The following PTPRH variants were observed in gnomAD, a reference collection of about 807,000 sequenced individuals.
PTPRH encodes protein tyrosine phosphatase receptor type H.
A neutral mutation model predicts 130.2 loss-of-function variants in PTPRH; 113 were observed. That is an observed-to-expected ratio of 0.87 (90% CI 0.75 to 1.01). The LOEUF (loss-of-function observed/expected upper bound fraction) is 1.01. Among genes scored for constraint, PTPRH ranks in the 50% least tolerant of loss-of-function variants. PTPRH has a pLI of 0.00. For missense variants in PTPRH, 1,430 were observed against 1,425.0 expected (o/e 1.00, Z -0.06); for synonymous variants, 556 against 577.9 (o/e 0.96, Z 0.54).
chr19:55,185,465 G>T lies in PTPRH; in HGVS notation c.3062+37C>A, dbSNP rs374042418. On this transcript the variant is annotated intron_variant, in intron 18 of 19. Transcript: ENST00000376350. The stretch of plus-strand genomic sequence containing the variant: ...CAACTGTCTGAGCCCCAAGGGAGCG[G>T]TTCTCTCAAGGGAGAGGGTCCTGGG... 3.0e-5 allele frequency: 49 copies of T among 1,606,948 alleles called. No homozygotes were observed. In the African/African-American group the frequency reaches 5.8e-4, roughly 19 times the overall value.
At chr19:55,207,306 T>A in intron 1 of PTPRH, 107 bp from the exon 2 acceptor site, 1 of 1,252,166 alleles carries the variant, frequency 8.0e-7, no homozygotes, top group Non-Finnish European at 1.1e-6. Flanking sequence ...GAGTCACCCT[T>A]GCATGGGAAG....
At chr19:55,182,430 G>A (rs8113062) in intron 18 of PTPRH, among the ~76,000 whole-genome samples, 2,611 of 152,202 alleles carry the variant, frequency 0.017, 64 homozygotes, top group African/African-American at 0.056. Context: ...AGGCTGAGGC[G>A]AAGAATCGCT....
At chr19:55,198,476 T>G (rs2086754255) in intron 8 of PTPRH, among the ~76,000 whole-genome samples, 167 bp downstream of exon 8, 1 of 152,140 alleles carries the variant, frequency 6.6e-6, no homozygotes, top group Non-Finnish European at 1.5e-5. Context: ...CCCTGTCTGC[T>G]AAGAAACGAC....
At position 55,191,541 on chromosome 19, in the gene PTPRH, T is replaced by A. The variant is rs1359937726; in HGVS notation, c.2344A>T (p.Lys782Ter). The A allele has an allele frequency of 6.2e-7, 1 of 1,614,194 alleles. No individual in the cohort carries two copies. Among genetic ancestry groups the A allele is most frequent in the Admixed American group, 1.7e-5 (1 of 60,018 alleles). The change falls in exon 12 of 20, where the codon AAG (lysine) becomes TAG (stop). Residue 782 changes from lysine (K) to a stop codon, truncating the protein, a stop_gained. Coordinates refer to ENST00000376350, the MANE Select transcript of PTPRH (RefSeq NM_002842.5). LOFTEE classifies it high-confidence loss of function. ...LIFFLKRRNK[K>*]KQQKPELRDL... ...CTGAGTTCTGGTTTCTGCTGCTTCT[T>A]CTTATTCCTGGGAAAAGGACGTTAG...
Position 55,198,780 on chromosome 19 carries a change from GTCATGCCTTCCCT to G in PTPRH, c.1540_1552del (p.Arg514LeufsTer15). On this transcript the variant is annotated frameshift_variant, in exon 8 of 20. Coordinates refer to ENST00000376350, the MANE Select transcript of PTPRH (RefSeq NM_002842.5). LOFTEE classifies it high-confidence loss of function. The stretch of plus-strand genomic sequence containing the variant: ...TGAGGTGCTTTGGGTCCTGGGGTCA[GTCATGCCTTCCCT>G]GACCCATGAGACCCAGTAGCTGTAG... The G allele has an allele frequency of 6.2e-7, 1 of 1,613,946 alleles. No homozygotes were observed. Among genetic ancestry groups the G allele is most frequent in the Non-Finnish European group, 8.5e-7 (1 of 1,179,914 alleles).
chr19:55,200,956 A>AC (rs199822917), intron 6 of PTPRH, among the ~76,000 whole-genome samples: 11,138 of 115,294 alleles, frequency 0.097, 946 homozygotes, highest in Admixed American at 0.27. Flanking sequence ...ACAAACAAAA[A>AC]AAACAAACAA....
Position 55,196,512 on chromosome 19 carries a change from C to G in PTPRH, c.2257+10G>C. ...CATCATAGCTGGCTGGCCCGCGCGG[C>G]TCCGCTCACCTGCACTCTCGGTGTG... On this transcript the variant is annotated intron_variant, in intron 10 of 19. Transcript: ENST00000376350. 3 of 1,604,384 alleles carry G rather than the reference C, an allele frequency of 1.9e-6. No individual in the cohort carries two copies. The highest frequency in any genetic ancestry group is 2.6e-6 in the Non-Finnish European group (3 of 1,175,360).
intron 12 of PTPRH, among the ~76,000 whole-genome samples, chr19:55,188,564 A>G (rs1019531807): frequency 6.6e-6 from 1 of 152,154 alleles, no homozygotes; most frequent in African/African-American, 2.4e-5. Flanking sequence ...ACATACTCAG[A>G]CAGCCCTACA....
intron 13 of PTPRH, 111 bp from the exon 14 acceptor site, chr19:55,187,714 G>A: frequency 1.3e-6 from 1 of 771,956 alleles, no homozygotes; most frequent in Non-Finnish European, 2.3e-6. Flanking sequence ...TTTATTCGTT[G>A]CACCCTGAGA....
intron 13 of PTPRH, 88 bp from the exon 14 acceptor site, chr19:55,187,691 G>T: frequency 2.1e-6 from 2 of 934,828 alleles, no homozygotes; most frequent in Non-Finnish European, 3.5e-6. Flanking sequence ...GCCTTCTTCG[G>T]CATCACCCCT....
chr19:55,207,353 ACC>A, intron 1 of PTPRH, 154 bp from the exon 2 acceptor site: 1 of 762,540 alleles, frequency 1.3e-6, no homozygotes, highest in Non-Finnish European at 2.1e-6. Flanking sequence ...CACGACCTCG[ACC>A]GTCTTTCCTG....
At chr19:55,197,561 A>C in intron 8 of PTPRH, 145 bp from the exon 9 acceptor site, 1 of 743,020 alleles carries the variant, frequency 1.3e-6, no homozygotes. Context: ...GAAAGAGTCT[A>C]GATACCCAAA....
intron 10 of PTPRH, among the ~76,000 whole-genome samples, chr19:55,192,754 T>C (rs537887922): frequency 2.7e-4 from 41 of 151,678 alleles, no homozygotes; most frequent in Admixed American, 3.9e-4. Flanking sequence ...GGTTTCACCG[T>C]GTTAGCCAGG....
chr19:55,191,312 G>A (rs1215652325), intron 12 of PTPRH, among the ~76,000 whole-genome samples, 189 bp downstream of exon 12: 2 of 152,084 alleles, frequency 1.3e-5, no homozygotes, highest in Admixed American at 6.5e-5. Context: ...AACTGAATTC[G>A]CTGGCCCAGG....
At chr19:55,200,010 G>A (rs900829505) in intron 7 of PTPRH, among the ~76,000 whole-genome samples, 5 of 152,196 alleles carry the variant, frequency 3.3e-5, no homozygotes, top group Non-Finnish European at 5.9e-5. Context: ...GAAAAGGCCT[G>A]TGTCCCCACA....
At chr19:55,182,189 G>A (rs373436581) in intron 18 of PTPRH, 38 bp from the exon 19 acceptor site, 1 of 1,603,912 alleles carries the variant, frequency 6.2e-7, no homozygotes, top group African/African-American at 1.3e-5. Flanking sequence ...CAAGGGGCAG[G>A]AGTGTGAGGG....
At chr19:55,183,611 C>G (rs1243844709) in intron 18 of PTPRH, among the ~76,000 whole-genome samples, 2 of 152,038 alleles carry the variant, frequency 1.3e-5, no homozygotes, top group Non-Finnish European at 2.9e-5. Flanking sequence ...GTATTCCCAG[C>G]TACTCAAGAG....
At chr19:55,195,094 G>A (rs149235319) in intron 10 of PTPRH, among the ~76,000 whole-genome samples, 1 of 152,142 alleles carries the variant, frequency 6.6e-6, no homozygotes, top group Non-Finnish European at 1.5e-5. Flanking sequence ...GGAGGCCGAG[G>A]CGGGTGGATC....
In PTPRH at chr19:55,191,689, G is replaced by T. The variant is rs756937051; in HGVS notation, c.2310C>A (p.Gly770=). 16 of 1,613,982 alleles carry T rather than the reference G, an allele frequency of 9.9e-6. No homozygotes were observed. The Admixed American group carries it at 2.7e-4, about 27-fold the overall frequency. ...VGILLFLILV[G]LLIFFLKRRN... The stretch of plus-strand genomic sequence containing the variant: ...TCCTCTTCAGGAAGAAAATCAGCAG[G>T]CCCACGAGGATGAGAAACAGGAGGA... The change falls in exon 11 of 20, where the codon GGC becomes GGA. Residue 770 remains glycine (G), a synonymous_variant. Transcript: ENST00000376350.
Sources: gnomAD v4.1 joint callset for allele counts (sites outside exome capture counted in the v4.1 genomes callset) on GRCh38, gnomAD v4.1.1 for gene constraint, MANE v1.5 for transcripts, NCBI Gene and HGNC (gene_info 2026-07-23, HGNC 2026-07-21) for gene names.